Variants in AP3S1 observed in about 807,000 individuals in gnomAD.
AP3S1 encodes the protein AP-3 complex subunit sigma-1.
In AP3S1, 12 loss-of-function variants were observed where a neutral mutation model predicts 21.3. That is an observed-to-expected ratio of 0.56 (90% CI 0.36 to 0.91). The LOEUF (loss-of-function observed/expected upper bound fraction) is 0.91, where lower values mean the gene tolerates loss of function less well. Among genes scored for constraint, AP3S1 ranks in the 40% least tolerant of loss-of-function variants. AP3S1 has a pLI of 0.01. For missense variants in AP3S1, 116 were observed against 225.0 expected (o/e 0.52, Z 3.10); for synonymous variants, 48 against 78.4 (o/e 0.61, Z 2.05).
At chr5:115,846,762 G>C (rs915394578) in intron 1 of AP3S1, among the ~76,000 whole-genome samples, 4 of 152,154 alleles carry the variant, frequency 2.6e-5, no homozygotes, top group African/African-American at 9.7e-5. Flanking sequence ...TCCTGAGTAT[G>C]AGGGTGTTAA....
chr5:115,903,559 A>G (rs62371492), intron 5 of AP3S1: 29,788 of 152,904 alleles, frequency 0.19, 3,462 homozygotes, highest in African/African-American at 0.31. Context: ...GTTAAGTCAC[A>G]TATTTTAGAC....
chr5:115,866,590 T>C, intron 1 of AP3S1, 80 bp from the exon 2 acceptor site: 1 of 954,708 alleles, frequency 1.0e-6, no homozygotes, highest in Non-Finnish European at 1.5e-6. Flanking sequence ...CAGATATTGC[T>C]ACCTTTGATT....
chr5:115,877,250 A>AGGTATG (rs1561498417), intron 3 of AP3S1, among the ~76,000 whole-genome samples: 1 of 152,024 alleles, frequency 6.6e-6, no homozygotes, highest in African/African-American at 2.4e-5. Context: ...GGTTTGTTAC[A>AGGTATG]TAGGTATACA....
intron 3 of AP3S1, among the ~76,000 whole-genome samples, chr5:115,888,797 A>G (rs977064804): frequency 6.6e-5 from 10 of 152,134 alleles, no homozygotes; most frequent in African/African-American, 2.4e-4. Flanking sequence ...TTTTATAATT[A>G]TCATGTATTT....
intron 3 of AP3S1, among the ~76,000 whole-genome samples, chr5:115,879,033 T>C (rs554299408): frequency 6.6e-5 from 10 of 152,344 alleles, no homozygotes; most frequent in African/African-American, 2.4e-4. Context: ...CTTGTGACTT[T>C]TGCACATTGG....
At position 115,866,744 on chromosome 5, in the gene AP3S1, T is replaced by C; in HGVS notation, c.144T>C (p.Asn48=). 6.2e-7 allele frequency: 1 copy of C among 1,601,802 alleles called. No homozygotes were observed. Among genetic ancestry groups the C allele is most frequent in the South Asian group, 1.1e-5 (1 of 89,708 alleles). Residue 48 remains asparagine, a synonymous_variant, in exon 2 of 6, where the codon AAT becomes AAC. Transcript: ENST00000316788. ...LVSKRDENVC[N]FLEGGLLIGG... is the part of the protein sequence containing the mutation. ...CTAAGAGAGATGAAAATGTTTGTAA[T>C]TTCCTAGAAGGAGGATTGTAAGTAA... is the stretch of plus-strand genomic sequence containing the variant.
At chr5:115,909,054 T>C in intron 5 of AP3S1, 1 of 830,604 alleles carries the variant, frequency 1.2e-6, no homozygotes, top group Non-Finnish European at 1.5e-6. Flanking sequence ...TACAGTTTGT[T>C]CCAACTACCA....
intron 1 of AP3S1, among the ~76,000 whole-genome samples, chr5:115,865,741 T>C (rs1763560673): frequency 6.6e-6 from 1 of 152,198 alleles, no homozygotes; most frequent in Non-Finnish European, 1.5e-5. Flanking sequence ...CATCCTTTCC[T>C]GTGAAATTGG....
rs374408873 is a variant in AP3S1, at chr5:115,842,096, A to G, written c.59A>G (p.Tyr20Cys). The stretch of plus-strand genomic sequence containing the variant: ...GGGAAGCCGCGGCTCTCCAAGTTCT[A>G]CCAGCCCTACGTGAGTATCCAGCCG... ...NHGKPRLSKFYQPYSEDTQQQ... is the reference protein window; with the variant it reads ...NHGKPRLSKFCQPYSEDTQQQ... Residue 20 changes from tyrosine (Y) to cysteine (C), a missense_variant, in exon 1 of 6, where the codon TAC (tyrosine) becomes TGC (cysteine). Tyr to Cys is a radical substitution (Grantham distance 194). Coordinates refer to ENST00000316788, the MANE Select transcript of AP3S1 (RefSeq NM_001284.4). 9 of 1,564,476 alleles carry G rather than the reference A, an allele frequency of 5.8e-6. No individual in the cohort carries two copies. Among genetic ancestry groups the G allele is most frequent in the Non-Finnish European group, 7.8e-6 (9 of 1,157,684 alleles).
chr5:115,842,499 T>A (rs1227951516), intron 1 of AP3S1: 1 of 170,810 alleles, frequency 5.9e-6, no homozygotes, highest in East Asian at 1.6e-4. Context: ...CGCCCGCGGC[T>A]GCAGTTAGCC....
chr5:115,892,664 A>G (rs1561515279), intron 3 of AP3S1, among the ~76,000 whole-genome samples: 1 of 152,166 alleles, frequency 6.6e-6, no homozygotes, highest in Admixed American at 6.6e-5. Flanking sequence ...TTGGAAGGGT[A>G]GTGGAGGGTT....
chr5:115,910,863 A>G (rs1022535434), intron 5 of AP3S1, among the ~76,000 whole-genome samples: 1 of 152,176 alleles, frequency 6.6e-6, no homozygotes, highest in Non-Finnish European at 1.5e-5. Flanking sequence ...TACAACTTTA[A>G]ATTTTCCTAC....
chr5:115,871,328 T>G (rs963555543), intron 3 of AP3S1, among the ~76,000 whole-genome samples: 1 of 152,220 alleles, frequency 6.6e-6, no homozygotes, highest in African/African-American at 2.4e-5. Flanking sequence ...CTGCTTGTTT[T>G]GTAATTCTTG....
At chr5:115,895,821 G>A (rs1388783271) in intron 4 of AP3S1, among the ~76,000 whole-genome samples, 3 of 152,130 alleles carry the variant, frequency 2.0e-5, no homozygotes, top group South Asian at 2.1e-4. Context: ...AAGACACTAC[G>A]ATGAGGTTTG....
intron 3 of AP3S1, among the ~76,000 whole-genome samples, chr5:115,884,063 C>A (rs997152019): frequency 1.8e-4 from 27 of 152,092 alleles, no homozygotes; most frequent in African/African-American, 6.3e-4. Context: ...GGTAATAATT[C>A]ATGTTTATAG....
chr5:115,868,728 A>C (rs529981826), intron 2 of AP3S1, among the ~76,000 whole-genome samples: 59 of 151,944 alleles, frequency 3.9e-4, no homozygotes, highest in African/African-American at 1.3e-3. Context: ...CTAAAAGTAC[A>C]AAAATCAGCC....
At position 115,866,694 on chromosome 5, in the gene AP3S1, A is replaced by G. The variant is rs987162518; in HGVS notation, c.94A>G (p.Ile32Val). The G allele has an allele frequency of 3.7e-6, 6 of 1,606,034 alleles. No individual in the cohort carries two copies. Among genetic ancestry groups the G allele is most frequent in the Admixed American group, 1.7e-5 (1 of 59,502 alleles). Residue 32 changes from isoleucine (I) to valine (V), a missense_variant, in exon 2 of 6, where the codon ATC becomes GTC. This residue lies in a region of AP3S1 where 50 missense variants were observed against 55.5 expected (regional missense o/e 0.90). Transcript: ENST00000316788. ...GAGTGAAGATACACAACAGCAAATC[A>G]TCAGGGAGACTTTCCATTTGGTATC... is the stretch of plus-strand genomic sequence containing the variant. The part of the protein sequence containing the change: ...PYSEDTQQQI[I>V]RETFHLVSKR...
intron 1 of AP3S1, among the ~76,000 whole-genome samples, chr5:115,848,990 G>A (rs745944159): frequency 1.3e-5 from 2 of 152,152 alleles, no homozygotes; most frequent in Non-Finnish European, 2.9e-5. Context: ...CTCTGACTAG[G>A]CCTTCTAGAG....
chr5:115,860,572 A>G (rs774149447), intron 1 of AP3S1, among the ~76,000 whole-genome samples: 4 of 152,214 alleles, frequency 2.6e-5, no homozygotes, highest in Non-Finnish European at 5.9e-5. Context: ...ACTTCCAGAC[A>G]TATGTAAAAG....
Sources: allele counts gnomAD v4.1 joint callset (sites outside exome capture counted in the v4.1 genomes callset), GRCh38; gene constraint gnomAD v4.1.1; regional missense constraint gnomAD v4.1.1; transcripts MANE v1.5; gene names NCBI Gene and HGNC (gene_info 2026-07-23, HGNC 2026-07-21).